NYAP2: variants seen among roughly 807,000 people sequenced by gnomAD.
The protein encoded by NYAP2 is neuronal tyrosine-phosphorylated phosphoinositide-3-kinase adaptor 2.
In NYAP2, 23 loss-of-function variants were observed where a neutral mutation model predicts 50.4. That is an observed-to-expected ratio of 0.46 (90% confidence interval 0.33 to 0.65). The LOEUF is 0.65. Among genes scored for constraint, NYAP2 ranks in the 30% least tolerant of loss-of-function variants. The pLI is 0.02. For synonymous variants in NYAP2, 394 were observed against 365.2 expected (o/e 1.08, Z -0.90); for missense variants, 885 against 861.0 (o/e 1.03, Z -0.35).
intron 3 of NYAP2, among the ~76,000 whole-genome samples, chr2:225,493,635 C>T (rs944297668): frequency 6.6e-6 from 1 of 152,188 alleles, no homozygotes; most frequent in East Asian, 1.9e-4. Context: ...TGCGCAATTG[C>T]TTCCTAATTG....
intron 4 of NYAP2, among the ~76,000 whole-genome samples, chr2:225,574,772 G>A (rs1692142477): frequency 6.6e-6 from 1 of 152,154 alleles, no homozygotes; most frequent in Non-Finnish European, 1.5e-5. Flanking sequence ...CACAGTGTTT[G>A]TGAGATGCTT....
intron 2 of NYAP2, among the ~76,000 whole-genome samples, chr2:225,402,415 C>T (rs1694877827): frequency 6.6e-6 from 1 of 152,026 alleles, no homozygotes; most frequent in African/African-American, 2.4e-5. Context: ...GCCTTGTAAG[C>T]ATCTGGAACC....
chr2:225,685,566 G>A, the NYAP2 span, among the ~76,000 whole-genome samples: 178 of 152,216 alleles, frequency 1.2e-3, 1 homozygote, highest in African/African-American at 3.8e-3. Flanking sequence ...AACTGTAGTT[G>A]TAGTCATTAC....
chr2:225,644,124 A>T (rs1431728116), intron 6 of NYAP2, among the ~76,000 whole-genome samples: 1 of 151,674 alleles, frequency 6.6e-6, no homozygotes, highest in African/African-American at 2.4e-5. Context: ...TGACTTTTTA[A>T]TGATCGCCAT....
chr2:225,628,119 A>G (rs980780252), intron 6 of NYAP2, among the ~76,000 whole-genome samples: 1 of 152,220 alleles, frequency 6.6e-6, no homozygotes, highest in African/African-American at 2.4e-5. Flanking sequence ...CCCAGACTTA[A>G]CATGTAACTT....
At chr2:225,610,738 T>C (rs1258288687) in intron 5 of NYAP2, among the ~76,000 whole-genome samples, 1 of 152,134 alleles carries the variant, frequency 6.6e-6, no homozygotes, top group Non-Finnish European at 1.5e-5. Flanking sequence ...TGTAATAATA[T>C]ATCTTTTGGA....
intron 3 of NYAP2, among the ~76,000 whole-genome samples, chr2:225,481,946 A>AAC (rs1436951572): frequency 6.6e-6 from 1 of 151,998 alleles, no homozygotes; most frequent in Non-Finnish European, 1.5e-5. Flanking sequence ...TTCAACAACA[A>AAC]ACACACACAC....
chr2:225,551,914 G>A (rs1439091028), intron 4 of NYAP2, among the ~76,000 whole-genome samples: 33 of 152,196 alleles, frequency 2.2e-4, no homozygotes, highest in Non-Finnish European at 4.0e-4. Flanking sequence ...CCGGGTTCAA[G>A]CAATTCTCCT....
intron 3 of NYAP2, among the ~76,000 whole-genome samples, chr2:225,487,511 C>T (rs531648828): frequency 1.6e-4 from 25 of 152,152 alleles, no homozygotes; most frequent in African/African-American, 2.2e-4. Flanking sequence ...AGGCGCCCAC[C>T]GCCACACCCA....
chr2:225,460,101 G>C (rs1689803075), intron 3 of NYAP2, among the ~76,000 whole-genome samples: 1 of 152,138 alleles, frequency 6.6e-6, no homozygotes, highest in Non-Finnish European at 1.5e-5. Flanking sequence ...TTTAGGTGTG[G>C]AATGGATTCT....
the NYAP2 span, among the ~76,000 whole-genome samples, chr2:225,672,583 C>T: frequency 6.6e-6 from 1 of 152,116 alleles, no homozygotes; most frequent in African/African-American, 2.4e-5. Context: ...TTTTCCTTTG[C>T]ATTCACAACT....
chr2:225,415,110 C>T (rs533625259), intron 3 of NYAP2, among the ~76,000 whole-genome samples: 54 of 152,168 alleles, frequency 3.5e-4, no homozygotes, highest in African/African-American at 1.2e-3. Flanking sequence ...GTCTCTGTTC[C>T]CTGTGGATGC....
intron 3 of NYAP2, among the ~76,000 whole-genome samples, chr2:225,505,223 C>T (rs1454379171): frequency 6.6e-6 from 1 of 151,590 alleles, no homozygotes; most frequent in Middle Eastern, 3.2e-3. Flanking sequence ...CAATAAAGAG[C>T]CAGACACAGG....
In NYAP2 at chr2:225,623,349, C is replaced by G. The variant is rs983895901; in HGVS notation, c.1619-3568C>G. 2.0e-5 allele frequency among the ~76,000 whole-genome samples: 3 copies of G among 152,144 alleles called. No individual in the cohort carries two copies. The South Asian group carries it at 6.2e-4, about 32-fold the overall frequency. The stretch of plus-strand genomic sequence containing the variant: ...AACTTAGTATGTAAATAAACTACAA[C>G]CTATCATAAAAGTATATTATTGTAA... On this transcript the variant is annotated intron_variant, in intron 5 of 6. Coordinates refer to ENST00000636099, the Ensembl canonical transcript of NYAP2.
chr2:225,604,957 A>G (rs1692761130), intron 5 of NYAP2, among the ~76,000 whole-genome samples: 1 of 152,134 alleles, frequency 6.6e-6, no homozygotes, highest in African/African-American at 2.4e-5. Flanking sequence ...CCAAATATGT[A>G]TTAGTAACTG....
intron 3 of NYAP2, among the ~76,000 whole-genome samples, chr2:225,490,274 T>C (rs1257371284): frequency 6.6e-6 from 1 of 152,158 alleles, no homozygotes; most frequent in Non-Finnish European, 1.5e-5. Context: ...TCTATACCAT[T>C]CCACATGCAA....
At chr2:225,660,911 TCA>T in the NYAP2 span, among the ~76,000 whole-genome samples, 1 of 152,326 alleles carries the variant, frequency 6.6e-6, no homozygotes, top group Admixed American at 6.5e-5. Context: ...GCTACTGATC[TCA>T]GAGTGCTATG....
chr2:225,460,797 A>G (rs1346926878), intron 3 of NYAP2, among the ~76,000 whole-genome samples: 1 of 152,012 alleles, frequency 6.6e-6, no homozygotes, highest in East Asian at 1.9e-4. Context: ...TGATGACTGA[A>G]AGAGAGGTTA....
chr2:225,640,622 G>A (rs1169057598), intron 6 of NYAP2, among the ~76,000 whole-genome samples: 1 of 152,030 alleles, frequency 6.6e-6, no homozygotes, highest in Non-Finnish European at 1.5e-5. Flanking sequence ...AAGGTGGTTA[G>A]CTAAAGTTAT....
Sources: allele counts gnomAD v4.1 joint callset (sites outside exome capture counted in the v4.1 genomes callset), GRCh38; gene constraint gnomAD v4.1.1; transcripts MANE v1.5; gene names NCBI Gene and HGNC (gene_info 2026-07-23, HGNC 2026-07-21).